Variants in TPGS1 observed in about 807,000 individuals in gnomAD.
The protein encoded by TPGS1 is tubulin polyglutamylase complex subunit 1.
TPGS1 carries 18 observed loss-of-function variants against 11.9 expected under a neutral mutation model. The observed-to-expected ratio is 1.51, with a 90% CI of 1.04 to 2.24. The LOEUF is 2.24. Among genes scored for constraint, TPGS1 ranks in the 30% most tolerant of loss-of-function variants. The pLI, the probability that TPGS1 is intolerant of heterozygous loss-of-function variation, is 0.00. For missense variants in TPGS1, 500 were observed against 443.0 expected, an observed-to-expected ratio of 1.13 and a Z score of -1.16; for synonymous variants, 247 against 218.2, an observed-to-expected ratio of 1.13 and a Z score of -1.16.
intron 1 of TPGS1, 138 bp from the exon 2 acceptor site, chr19:518,751 A>AGGCCGGGGC: frequency 1.3e-6 from 1 of 747,244 alleles, no homozygotes; most frequent in Non-Finnish European, 1.8e-6. Context: ...GAGGCCGGGG[A>AGGCCGGGGC]TGGGGGGTAG....
chr19:507,905 G>T (rs932330423), intron 1 of TPGS1, 61 bp downstream of exon 1: 2 of 1,241,162 alleles, frequency 1.6e-6, no homozygotes, highest in South Asian at 2.6e-5. Flanking sequence ...CCAGCATGCC[G>T]CGCGCGGCTC....
intron 1 of TPGS1, among the ~76,000 whole-genome samples, chr19:511,661 G>C (rs908409402): frequency 6.6e-6 from 1 of 152,380 alleles, no homozygotes; most frequent in African/African-American, 2.4e-5. Flanking sequence ...CCGAGGGGCC[G>C]CGTGGATGCT....
chr19:512,317 C>A (rs1449351508), intron 1 of TPGS1, among the ~76,000 whole-genome samples: 1 of 152,270 alleles, frequency 6.6e-6, no homozygotes, highest in East Asian at 1.9e-4. Context: ...ACGCACGTCA[C>A]CACACCTGGC....
chr19:507,656 G>A lies in TPGS1; in HGVS notation c.150G>A (p.Ala50=). 1 of 1,389,818 alleles carries A rather than the reference G, an allele frequency of 7.2e-7. No individual in the cohort carries two copies. Among genetic ancestry groups the A allele is most frequent in the Non-Finnish European group, 9.4e-7 (1 of 1,058,382 alleles). The allele number at this position is 1,389,818 out of a possible 1,614,324, so 86.1% of individuals were successfully genotyped here. A position where few individuals can be genotyped will look rare whatever the true frequency, so the allele number is the denominator to read the frequency against. The change falls in exon 1 of 2, where the codon GCG becomes GCA. Residue 50 remains alanine (A), a synonymous_variant. Transcript: ENST00000359315. ...RQVGVTEMLR[A]ALLKVLEARP... ...TCGGCGTGACGGAAATGCTACGTGC[G>A]GCCCTGCTGAAGGTGCTGGAGGCGC...
Position 519,558 on chromosome 19 carries a change from A to G in TPGS1, c.*135A>G, listed in dbSNP as rs1979087491. On this transcript the variant is annotated 3_prime_UTR_variant, in exon 2 of 2. Coordinates refer to ENST00000359315, the MANE Select transcript of TPGS1 (RefSeq NM_033513.3). The stretch of plus-strand genomic sequence containing the variant: ...CCCTGCGGAGGAGGCCGGGGCTCCC[A>G]GGAAGCGGACGCCCGGTCCCCACAC... The G allele has an allele frequency of 8.1e-6, 7 of 864,374 alleles. No individual in the cohort carries two copies. Among genetic ancestry groups the G allele is most frequent in the Non-Finnish European group, 8.9e-6 (6 of 673,138 alleles). The allele number at this position is 864,374 out of a possible 1,614,324, so 53.5% of individuals were successfully genotyped here.
intron 1 of TPGS1, chr19:509,809 G>A (rs915991569): frequency 6.6e-6 from 1 of 152,360 alleles, no homozygotes; most frequent in Non-Finnish European, 1.5e-5. Context: ...CCCAGGACAG[G>A]AGTGGAGCCA....
At position 507,698 on chromosome 19, in the gene TPGS1, C is replaced by G; in HGVS notation, c.192C>G (p.Ile64Met). 3 of 1,390,550 alleles carry G rather than the reference C, an allele frequency of 2.2e-6. No individual in the cohort carries two copies. The highest frequency in any genetic ancestry group is 6.0e-5 in the East Asian group (2 of 33,418). 86.1% of individuals were successfully genotyped at this position (1,390,550 alleles called of 1,614,324 possible). The change falls in exon 1 of 2, where the codon ATC becomes ATG. Residue 64 changes from isoleucine to methionine, a missense_variant. Transcript: ENST00000359315. ...KVLEARPEEP[I>M]AFLAHYFENM... ...TGGAGGCGCGGCCCGAGGAGCCGAT[C>G]GCCTTCCTGGCTCACTACTTCGAGA...
intron 1 of TPGS1, among the ~76,000 whole-genome samples, chr19:514,876 C>T (rs1023998376): frequency 1.3e-5 from 2 of 152,216 alleles, no homozygotes; most frequent in Non-Finnish European, 2.9e-5. Context: ...ACGCTGGCCA[C>T]GGTGCTCCCT....
At chr19:516,011 G>A (rs1257760854) in intron 1 of TPGS1, among the ~76,000 whole-genome samples, 8 of 145,996 alleles carry the variant, frequency 5.5e-5, no homozygotes, top group South Asian at 4.3e-4. Flanking sequence ...CAGCCCGGGC[G>A]ACAGAGCGAG....
At position 507,604 on chromosome 19, in the gene TPGS1, A is replaced by C. The variant is rs752426564; in HGVS notation, c.98A>C (p.Glu33Ala). 2.1e-6 allele frequency: 3 copies of C among 1,401,040 alleles called. No homozygotes were observed. In the African/African-American group the frequency reaches 4.5e-5, roughly 21 times the overall value. The allele number at this position is 1,401,040 out of a possible 1,614,324, so 86.8% of individuals were successfully genotyped here. The change falls in exon 1 of 2, where the codon GAG (glutamate) becomes GCG (alanine). Residue 33 changes from glutamate to alanine, a missense_variant. Transcript: ENST00000359315. ...QSVSRAAGAAESEEDFLRQVG... is the reference protein window; with the variant it reads ...QSVSRAAGAAASEEDFLRQVG... ...GTATCCCGGGCGGCGGGGGCGGCCG[A>C]GAGCGAGGAGGACTTCCTGCGGCAG...
intron 1 of TPGS1, among the ~76,000 whole-genome samples, chr19:516,812 G>C (rs895242851): frequency 6.6e-6 from 1 of 152,198 alleles, no homozygotes; most frequent in Non-Finnish European, 1.5e-5. Context: ...TGTGGAGTTG[G>C]AGAGTATAGA....
chr19:511,682 G>A (rs1000809319), intron 1 of TPGS1, among the ~76,000 whole-genome samples: 3 of 152,276 alleles, frequency 2.0e-5, no homozygotes, highest in Admixed American at 1.3e-4. Flanking sequence ...TGCGGAGCTG[G>A]ACCAGGGCTG....
At position 519,005 on chromosome 19, in the gene TPGS1, G is replaced by A. The variant is rs754901983; in HGVS notation, c.455G>A (p.Arg152Gln). 2.6e-5 allele frequency: 41 copies of A among 1,572,124 alleles called. No homozygotes were observed. Among genetic ancestry groups the A allele is most frequent in the South Asian group, 4.6e-5 (4 of 87,366 alleles). The change falls in exon 2 of 2, where the codon CGG (arginine) becomes CAG (glutamine). Residue 152 changes from arginine to glutamine, a missense_variant. Arg to Gln is a conservative substitution (Grantham distance 43, BLOSUM62 1). Coordinates refer to ENST00000359315, the MANE Select transcript of TPGS1 (RefSeq NM_033513.3). ...AGCGAGCTGCTCAGGCGCATCTGCC[G>A]GGACGGCCAAGCCCCCGAGGAGGTG... ...TYSELLRRICRDGQAPEEVVA... is the reference protein window; with the variant it reads ...TYSELLRRICQDGQAPEEVVA...
intron 1 of TPGS1, among the ~76,000 whole-genome samples, chr19:518,100 C>T (rs181941397): frequency 6.5e-4 from 53 of 81,850 alleles, no homozygotes; most frequent in African/African-American, 2.4e-3. Context: ...GAGGGAGCCC[C>T]GGGCTGGGGG....
chr19:517,013 C>CTTG (rs201744950), intron 1 of TPGS1, among the ~76,000 whole-genome samples: 24,250 of 151,914 alleles, frequency 0.16, 2,764 homozygotes, highest in African/African-American at 0.33. Context: ...AGATGCCTGC[C>CTTG]GTTGATTCAA....
At chr19:514,293 C>T (rs978409799) in intron 1 of TPGS1, among the ~76,000 whole-genome samples, 10 of 147,914 alleles carry the variant, frequency 6.8e-5, no homozygotes, top group African/African-American at 2.3e-4. Flanking sequence ...TACTCTACAC[C>T]GGCCCTGTAT....
chr19:510,028 T>G (rs1184961217), intron 1 of TPGS1: 2 of 151,822 alleles, frequency 1.3e-5, no homozygotes, highest in South Asian at 2.1e-4. Context: ...CGGCCGCCCC[T>G]CCATCCTTGG....
chr19:507,557 C>A lies in TPGS1; in HGVS notation c.51C>A (p.Phe17Leu). Residue 17 changes from phenylalanine (F) to leucine (L), a missense_variant, in exon 1 of 2, where the codon TTC becomes TTA. Transcript: ENST00000359315. ...RRQAVPPPAG[F>L]TDSGRQSVSR... ...AAGCGGTACCACCGCCGGCCGGTTT[C>A]ACGGACAGCGGCCGCCAGTCGGTAT... 1 of 1,404,554 alleles carries A rather than the reference C, an allele frequency of 7.1e-7. No homozygotes were observed. The highest frequency in any genetic ancestry group is 9.3e-7 in the Non-Finnish European group (1 of 1,075,096). The allele number at this position is 1,404,554 out of a possible 1,614,324, so 87.0% of individuals were successfully genotyped here. A position where few individuals can be genotyped will look rare whatever the true frequency, so the allele number is the denominator to read the frequency against.
intron 1 of TPGS1, among the ~76,000 whole-genome samples, chr19:511,127 G>A (rs749044766): frequency 7.9e-5 from 12 of 152,222 alleles, no homozygotes; most frequent in Non-Finnish European, 1.5e-4. Flanking sequence ...GCCCTGGCTG[G>A]GCTCCCGCTT....
Sources: allele counts gnomAD v4.1 joint callset (sites outside exome capture counted in the v4.1 genomes callset), GRCh38; gene constraint gnomAD v4.1.1; transcripts MANE v1.5; gene names NCBI Gene and HGNC (gene_info 2026-07-23, HGNC 2026-07-21).